The following RNF217 variants were observed in gnomAD, a reference collection of about 807,000 sequenced individuals.
RNF217 encodes ring finger protein 217.
In RNF217, 31 loss-of-function variants were observed where a neutral mutation model predicts 57.8. That is an observed-to-expected ratio of 0.54 (90% CI 0.40 to 0.72). The LOEUF is 0.72. Among genes scored for constraint, RNF217 ranks in the 30% least tolerant of loss-of-function variants. The probability of loss-of-function intolerance (pLI) is 0.00; values close to 1 mark genes in which losing one functional copy is unlikely to be tolerated. For synonymous variants in RNF217, 313 were observed against 294.0 expected (o/e 1.06, Z -0.66); for missense variants, 696 against 708.3 (o/e 0.98, Z 0.20).
At position 125,081,468 on chromosome 6, in the gene RNF217, G is replaced by A. The variant is rs751200818; in HGVS notation, c.1516G>A (p.Val506Ile). The A allele has an allele frequency of 3.7e-6, 6 of 1,611,464 alleles. No individual in the cohort carries two copies. The Admixed American group carries it at 5.0e-5, about 13-fold the overall frequency. Reference sequence around the variant, plus strand: ...ATTATTCATTGCACCTCTAATTATGGTTTTGGGATTGGCACTAGGGGCCAT... The same window carrying A: ...ATTATTCATTGCACCTCTAATTATGATTTTGGGATTGGCACTAGGGGCCAT... ...GKLFIAPLIM[V>I]LGLALGAIAV... Residue 506 changes from valine (V) to isoleucine (I), a missense_variant, in exon 5 of 6, where the codon GTT (valine) becomes ATT (isoleucine). By Grantham distance (29) the Val-to-Ile change is conservative. Transcript: ENST00000521654.
At chr6:125,034,959 A>G (rs1157829060) in intron 1 of RNF217, among the ~76,000 whole-genome samples, 1 of 152,240 alleles carries the variant, frequency 6.6e-6, no homozygotes, top group African/African-American at 2.4e-5. Flanking sequence ...CTTTGAAGCA[A>G]TTGTGAATGG....
intron 2 of RNF217, among the ~76,000 whole-genome samples, chr6:125,054,081 G>T (rs902891876): frequency 1.3e-5 from 2 of 152,082 alleles, no homozygotes; most frequent in African/African-American, 2.4e-5. Flanking sequence ...ATGAGACAAA[G>T]CCTTTGACAA....
chr6:125,063,702 G>A (rs1357687750), intron 3 of RNF217, among the ~76,000 whole-genome samples: 2 of 152,120 alleles, frequency 1.3e-5, no homozygotes, highest in African/African-American at 4.8e-5. Flanking sequence ...TTGGTAGTAT[G>A]TAAGTTTCAT....
At chr6:125,060,151 A>C (rs188119287) in intron 3 of RNF217, among the ~76,000 whole-genome samples, 1 of 152,242 alleles carries the variant, frequency 6.6e-6, no homozygotes, top group East Asian at 1.9e-4. Flanking sequence ...TATTTGTTTT[A>C]TACTGTAAGG....
chr6:125,069,781 C>A (rs1788070236), intron 3 of RNF217, among the ~76,000 whole-genome samples: 1 of 152,158 alleles, frequency 6.6e-6, no homozygotes, highest in South Asian at 2.1e-4. Context: ...ATTCCCTTTT[C>A]TTTGCAGCCT....
At chr6:124,998,626 C>A (rs1365316170) in intron 1 of RNF217, among the ~76,000 whole-genome samples, 1 of 152,076 alleles carries the variant, frequency 6.6e-6, no homozygotes, top group Non-Finnish European at 1.5e-5. Flanking sequence ...GATGAAACCC[C>A]ATCTCTAACT....
At chr6:125,059,299 G>A (rs898249232) in intron 3 of RNF217, among the ~76,000 whole-genome samples, 3 of 152,132 alleles carry the variant, frequency 2.0e-5, no homozygotes, top group Admixed American at 6.5e-5. Context: ...TTCATCCACA[G>A]TCACCCATTT....
intron 3 of RNF217, among the ~76,000 whole-genome samples, chr6:125,067,915 A>G (rs1428780601): frequency 6.6e-6 from 1 of 152,074 alleles, no homozygotes; most frequent in South Asian, 2.1e-4. Context: ...GGAGAGGAGA[A>G]ACTGGAAAAA....
intron 1 of RNF217, among the ~76,000 whole-genome samples, chr6:125,029,997 A>C (rs1009100542): frequency 1.3e-5 from 2 of 152,138 alleles, no homozygotes; most frequent in Non-Finnish European, 2.9e-5. Context: ...CTTAAGAGTT[A>C]CACGTGGCTG....
chr6:125,015,635 T>A (rs1319422373), intron 1 of RNF217, among the ~76,000 whole-genome samples: 1 of 151,942 alleles, frequency 6.6e-6, no homozygotes, highest in East Asian at 1.9e-4. Context: ...TACATTATAA[T>A]TGTATATATA....
At chr6:125,042,925 C>T (rs1786941838) in intron 1 of RNF217, among the ~76,000 whole-genome samples, 1 of 152,104 alleles carries the variant, frequency 6.6e-6, no homozygotes, top group African/African-American at 2.4e-5. Context: ...AAATGTACTG[C>T]TTCCCAATAA....
intron 4 of RNF217, 56 bp downstream of exon 4, chr6:125,076,914 GA>G: frequency 2.0e-6 from 3 of 1,477,982 alleles, no homozygotes; most frequent in Non-Finnish European, 2.8e-6. Flanking sequence ...AGTGAAAATA[GA>G]ACTTGGAAAT....
chr6:124,987,093 G>A (rs541904646), intron 1 of RNF217, among the ~76,000 whole-genome samples: 6 of 152,168 alleles, frequency 3.9e-5, no homozygotes, highest in East Asian at 3.9e-4. Context: ...TTTTTTATAC[G>A]ATTCTTTAGA....
intron 1 of RNF217, among the ~76,000 whole-genome samples, chr6:124,992,621 G>A (rs1244948272): frequency 6.6e-6 from 1 of 152,064 alleles, no homozygotes; most frequent in Non-Finnish European, 1.5e-5. Context: ...GTTCCATTTT[G>A]TTTCAGAATG....
chr6:125,065,177 G>C (rs2114608964), intron 3 of RNF217, among the ~76,000 whole-genome samples: 1 of 151,472 alleles, frequency 6.6e-6, no homozygotes, highest in East Asian at 1.9e-4. Context: ...TGTAGTCCCA[G>C]CTACTTGGGA....
intron 1 of RNF217, among the ~76,000 whole-genome samples, chr6:125,011,668 G>A (rs1466520914): frequency 6.6e-6 from 1 of 152,110 alleles, no homozygotes; most frequent in Non-Finnish European, 1.5e-5. Flanking sequence ...AGAGAGCAAG[G>A]AGTGTCAGGT....
chr6:124,962,609 G>A lies in RNF217; in HGVS notation c.65G>A (p.Ser22Asn). The A allele has an allele frequency of 1.5e-6, 2 of 1,313,796 alleles. No individual in the cohort carries two copies. The highest frequency in any genetic ancestry group is 1.9e-6 in the Non-Finnish European group (2 of 1,039,706). The allele number at this position is 1,313,796 out of a possible 1,614,324, so 81.4% of individuals were successfully genotyped here. ...CCCCAGGAGTCGCAGACCCTGGCCA[G>A]TGGCACTGCGGGCCACCCTGAGCCC... ...GGPQESQTLA[S>N]GTAGHPEPPR... The change falls in exon 1 of 6, where the codon AGT becomes AAT. Residue 22 changes from serine (S) to asparagine (N), a missense_variant. Around this residue, in one of 2 missense-constraint regions of RNF217, gnomAD observed 465 missense variants for 386.8 expected, o/e 1.20. Transcript: ENST00000521654. This position sits in a 1 kb window ranked among gnomAD's most constrained non-coding sequence, Gnocchi z 4.6.
At chr6:125,016,325 A>ATC (rs1268610669) in intron 1 of RNF217, among the ~76,000 whole-genome samples, 1 of 152,240 alleles carries the variant, frequency 6.6e-6, no homozygotes, top group African/African-American at 2.4e-5. Flanking sequence ...AGAGAAAAAC[A>ATC]TCAGAAGCTT....
chr6:125,041,927 C>A lies in RNF217; in HGVS notation c.883-3284C>A, dbSNP rs550799196. Among the ~76,000 whole-genome samples the A allele has an allele frequency of 8.8e-4, 134 of 151,940 alleles. 1 individual carries two copies. The highest frequency in any genetic ancestry group is 3.1e-3 in the African/African-American group (128 of 41,448). On this transcript the variant is annotated intron_variant, in intron 1 of 5. Coordinates refer to ENST00000521654, the MANE Select transcript of RNF217 (RefSeq NM_001286398.3). ...CACCACCAAGAAAGTAAAAACACTG[C>A]AAATTAAACTATTGTGCAATACTAA...
Sources: allele counts gnomAD v4.1 joint callset (sites outside exome capture counted in the v4.1 genomes callset), GRCh38; gene constraint gnomAD v4.1.1; regional missense constraint gnomAD v4.1.1; non-coding constraint Gnocchi (gnomAD v3.1); transcripts MANE v1.5; gene names NCBI Gene and HGNC (gene_info 2026-07-23, HGNC 2026-07-21).